ASTN2: variants seen among roughly 807,000 people sequenced by gnomAD.
ASTN2 encodes astrotactin 2.
A neutral mutation model predicts 139.8 loss-of-function variants in ASTN2; 54 were observed. The observed-to-expected ratio is 0.39, with a 90% CI of 0.31 to 0.48. The LOEUF is 0.48. ASTN2 is among the 20% of genes least tolerant of loss of function. The pLI, the probability that ASTN2 is intolerant of heterozygous loss-of-function variation, is 0.95. For synonymous variants in ASTN2, 756 were observed against 719.5 expected (o/e 1.05, Z -0.81); for missense variants, 1,565 against 1,725.1 (o/e 0.91, Z 1.64).
chr9:116,948,751 CAGAG>C (rs145595672), intron 10 of ASTN2, among the ~76,000 whole-genome samples: 10 of 117,594 alleles, frequency 8.5e-5, no homozygotes, highest in South Asian at 2.7e-4. Context: ...AAAACAGAGA[CAGAG>C]AGAGAGAGAG....
At chr9:116,543,437 CAAAA>C (rs889238650) in intron 19 of ASTN2, among the ~76,000 whole-genome samples, 1 of 121,926 alleles carries the variant, frequency 8.2e-6, no homozygotes, top group African/African-American at 3.0e-5. Flanking sequence ...CACCCTGTCT[CAAAA>C]AAAAAAAAAA....
intron 16 of ASTN2, among the ~76,000 whole-genome samples, chr9:116,717,475 C>G (rs1828344111): frequency 6.6e-6 from 1 of 152,134 alleles, no homozygotes; most frequent in African/African-American, 2.4e-5. Flanking sequence ...CCTCCAGTCT[C>G]TCTGCCTTCT....
At chr9:116,704,620 A>G (rs1318008166) in intron 16 of ASTN2, among the ~76,000 whole-genome samples, 1 of 152,244 alleles carries the variant, frequency 6.6e-6, no homozygotes, top group African/African-American at 2.4e-5. Flanking sequence ...ATACACATTC[A>G]AGTGAAAGCC....
chr9:116,932,810 AT>A (rs1480408468), intron 10 of ASTN2, among the ~76,000 whole-genome samples: 1 of 151,966 alleles, frequency 6.6e-6, no homozygotes, highest in East Asian at 1.9e-4. Context: ...GTTCGAGACC[AT>A]CCTGGCCAAC....
rs74308285 is a variant in ASTN2 at position 116,854,653 on chromosome 9, T to C, written c.2040+8930A>G. ...TCCAATTTGGGGCTTCCTTCTCTCT[T>C]TTTTTTTTTTTTTTTTTGAGACAAG... On this transcript the variant is annotated intron_variant, in intron 11 of 22. Transcript: ENST00000313400. 3.2e-3 allele frequency among the ~76,000 whole-genome samples: 306 copies of C among 96,540 alleles called. 3 individuals carry two copies. The East Asian group carries it at 0.045, about 14-fold the overall frequency. The allele number at this position is 96,540 out of a possible 152,430, so 63.3% of individuals were successfully genotyped here. A position where few individuals can be genotyped will look rare whatever the true frequency, so the allele number is the denominator to read the frequency against.
At chr9:116,471,837 C>T (rs1272969222) in intron 20 of ASTN2, among the ~76,000 whole-genome samples, 2 of 152,102 alleles carry the variant, frequency 1.3e-5, no homozygotes, top group African/African-American at 4.8e-5. Flanking sequence ...CAAAGGCTAC[C>T]CAGCTAAGAA....
intron 19 of ASTN2, among the ~76,000 whole-genome samples, chr9:116,618,097 G>A (rs1288136392): frequency 6.6e-6 from 1 of 152,118 alleles, no homozygotes; most frequent in Non-Finnish European, 1.5e-5. Context: ...TATTTTGAAG[G>A]TCCAACTCAG....
chr9:116,852,714 C>T (rs1338738043), intron 11 of ASTN2, among the ~76,000 whole-genome samples: 2 of 151,984 alleles, frequency 1.3e-5, no homozygotes, highest in Non-Finnish European at 2.9e-5. Context: ...ATCCTCAAGA[C>T]CTATGATAAA....
intron 5 of ASTN2, among the ~76,000 whole-genome samples, chr9:117,041,774 C>A (rs1015955602): frequency 1.3e-5 from 2 of 152,190 alleles, no homozygotes; most frequent in African/African-American, 4.8e-5. Context: ...TACTGCAGTG[C>A]TCCTACCATT....
intron 3 of ASTN2, among the ~76,000 whole-genome samples, chr9:117,144,631 G>A (rs1411487408): frequency 7.0e-6 from 1 of 143,004 alleles, no homozygotes; most frequent in Non-Finnish European, 1.5e-5. Context: ...AACACTGTAA[G>A]AGATGACATT....
intron 17 of ASTN2, among the ~76,000 whole-genome samples, chr9:116,626,154 GTTTTTTTTTTTTTTTTT>G (rs751026997): frequency 2.6e-4 from 9 of 34,440 alleles, no homozygotes; most frequent in African/African-American, 3.6e-4. Flanking sequence ...TAGTTTTTGT[GTTTTTTTTTTTTTTTTT>G]TTTTTTTTTT....
At chr9:117,370,555 A>C (rs10983636) in intron 1 of ASTN2, among the ~76,000 whole-genome samples, 11,456 of 152,244 alleles carry the variant, frequency 0.075, 954 homozygotes, top group East Asian at 0.27. Context: ...GATACTCACA[A>C]AACCTTTTTA....
At chr9:116,588,732 A>T (rs1042325840) in intron 19 of ASTN2, among the ~76,000 whole-genome samples, 1 of 152,242 alleles carries the variant, frequency 6.6e-6, no homozygotes, top group Admixed American at 6.5e-5. Flanking sequence ...AAATTGAAGA[A>T]TGCCACTTAC....
chr9:116,998,245 T>C (rs1374087073), intron 7 of ASTN2, among the ~76,000 whole-genome samples: 1 of 152,128 alleles, frequency 6.6e-6, no homozygotes, highest in Non-Finnish European at 1.5e-5. Flanking sequence ...TCAGAGGGAC[T>C]CGTTTCATGG....
chr9:117,186,489 G>A (rs1264143859), intron 3 of ASTN2, among the ~76,000 whole-genome samples: 1 of 152,124 alleles, frequency 6.6e-6, no homozygotes, highest in Non-Finnish European at 1.5e-5. Flanking sequence ...AGAGCTTGCT[G>A]TGAGCCGAAA....
At chr9:116,621,806 G>A (rs1380885978) in intron 17 of ASTN2, among the ~76,000 whole-genome samples, 1 of 152,148 alleles carries the variant, frequency 6.6e-6, no homozygotes, top group African/African-American at 2.4e-5. Flanking sequence ...AACTTGGAAG[G>A]CACTTTTTTC....
intron 2 of ASTN2, among the ~76,000 whole-genome samples, chr9:117,239,420 C>A (rs1193268052): frequency 6.6e-6 from 1 of 152,178 alleles, no homozygotes; most frequent in East Asian, 1.9e-4. Context: ...CCTTCTCTCT[C>A]TATAAAAGCC....
intron 13 of ASTN2, among the ~76,000 whole-genome samples, chr9:116,750,265 TGTA>T (rs1388878216): frequency 1.3e-5 from 2 of 152,220 alleles, no homozygotes; most frequent in African/African-American, 4.8e-5. Flanking sequence ...CTTCATTCCT[TGTA>T]GTAGTTAGAA....
At chr9:116,441,224 G>A (rs1238552807) in intron 21 of ASTN2, among the ~76,000 whole-genome samples, 1 of 151,644 alleles carries the variant, frequency 6.6e-6, no homozygotes, top group Non-Finnish European at 1.5e-5. Flanking sequence ...AGGTCTGATA[G>A]GTCCCCATTT....
Sources: gnomAD v4.1 joint callset for allele counts (sites outside exome capture counted in the v4.1 genomes callset) on GRCh38, gnomAD v4.1.1 for gene constraint, MANE v1.5 for transcripts, NCBI Gene and HGNC (gene_info 2026-07-23, HGNC 2026-07-21) for gene names.